Variants in PARD6G observed in about 807,000 individuals in gnomAD.
PARD6G encodes the protein partitioning defective 6 homolog gamma.
A neutral mutation model predicts 10.7 loss-of-function variants in PARD6G; 7 were observed. That is an observed-to-expected ratio of 0.66 (90% CI 0.37 to 1.23). The LOEUF is 1.23. PARD6G is among the 50% of genes most tolerant of loss of function. The pLI is 0.02. For missense variants in PARD6G, 548 were observed against 571.8 expected, an observed-to-expected ratio of 0.96 and a Z score of 0.42; for synonymous variants, 287 against 269.4, an observed-to-expected ratio of 1.07 and a Z score of -0.64.
chr18:80,165,539 C>T lies in PARD6G; in HGVS notation c.296-4933G>A, dbSNP rs140744334. Among the ~76,000 whole-genome samples, 680 of 135,678 alleles carry T rather than the reference C, an allele frequency of 5.0e-3. 7 individuals carry two copies. The highest frequency in any genetic ancestry group is 0.017 in the African/African-American group (622 of 35,604). The allele number at this position is 135,678 out of a possible 152,430, so 89.0% of individuals were successfully genotyped here. A position where few individuals can be genotyped will look rare whatever the true frequency, so the allele number is the denominator to read the frequency against. ...TGAGGTGACGTATATCCTCAGCTTA[C>T]GAAGATAACAGGATTAAGAGATTAA... On this transcript the variant is annotated intron_variant, in intron 2 of 2. Coordinates refer to ENST00000353265, the MANE Select transcript of PARD6G (RefSeq NM_032510.4).
intron 2 of PARD6G, among the ~76,000 whole-genome samples, chr18:80,167,662 C>T (rs2052745764): frequency 6.6e-6 from 1 of 152,092 alleles, no homozygotes; most frequent in Non-Finnish European, 1.5e-5. Flanking sequence ...CTCTGATGCT[C>T]TGAGCCACGT....
At chr18:80,163,616 AT>A (rs1158493508) in intron 2 of PARD6G, among the ~76,000 whole-genome samples, 4 of 152,234 alleles carry the variant, frequency 2.6e-5, no homozygotes, top group African/African-American at 9.6e-5. Context: ...CATCTCGGCC[AT>A]CCCCACAGGG....
intron 1 of PARD6G, among the ~76,000 whole-genome samples, chr18:80,240,273 C>T (rs1296218007): frequency 6.6e-6 from 1 of 152,224 alleles, no homozygotes; most frequent in Non-Finnish European, 1.5e-5. Context: ...TATAATCATC[C>T]CTTCTCAATA....
chr18:80,165,587 AAGT>A (rs2052730409), intron 2 of PARD6G, among the ~76,000 whole-genome samples: 1 of 152,108 alleles, frequency 6.6e-6, no homozygotes, highest in South Asian at 2.1e-4. Context: ...GAAATTATAA[AAGT>A]ATTATTTGGG....
At position 80,231,064 on chromosome 18, in the gene PARD6G, G is replaced by A. The variant is rs959439899; in HGVS notation, c.72+16213C>T. Among the ~76,000 whole-genome samples the A allele has an allele frequency of 4.6e-5, 7 of 152,210 alleles. No homozygotes were observed. Among genetic ancestry groups the A allele is most frequent in the Admixed American group, 2.6e-4 (4 of 15,282 alleles). ...TCCAAATGGAAGGTCAGGGACAAGGGGTGCCCTTTGTGAGAAGGAACACCC... is the reference window on the plus strand; with the variant it reads ...TCCAAATGGAAGGTCAGGGACAAGGAGTGCCCTTTGTGAGAAGGAACACCC... On this transcript the variant is annotated intron_variant, in intron 1 of 2. Coordinates refer to ENST00000353265, the MANE Select transcript of PARD6G (RefSeq NM_032510.4). The surrounding 1 kb of genome is among the most constrained non-coding windows in gnomAD (Gnocchi z 4.2).
In PARD6G at chr18:80,157,693, T is replaced by G. The variant is rs1166115724; in HGVS notation, c.*2078A>C. 6.6e-6 allele frequency: 1 copy of G among 151,948 alleles called. No homozygotes were observed. The highest frequency in any genetic ancestry group is 1.9e-4 in the East Asian group (1 of 5,190). The allele number at this position is 151,948 out of a possible 1,614,324, so 9.4% of individuals were successfully genotyped here. On this transcript the variant is annotated 3_prime_UTR_variant, in exon 3 of 3. Transcript: ENST00000353265. ...GGGGTGCGGATCCTCACCGGAGAGG[T>G]CATGGGGAAGCATCTTTGGTCTTCT...
rs185945373 is a variant in PARD6G at position 80,206,648 on chromosome 18, T to C, written c.73-3716A>G. ...GAGAGTTCAAAGAACTGAGCTGTGC[T>C]TAGGGGCCTTCACTCTCATCTACCT... On this transcript the variant is annotated intron_variant, in intron 1 of 2. Coordinates refer to ENST00000353265, the MANE Select transcript of PARD6G (RefSeq NM_032510.4). 3.9e-3 allele frequency among the ~76,000 whole-genome samples: 589 copies of C among 152,366 alleles called. 5 individuals are homozygous for C. Among genetic ancestry groups the C allele is most frequent in the African/African-American group, 0.013 (555 of 41,592 alleles).
chr18:80,232,414 G>A (rs886367900), intron 1 of PARD6G, among the ~76,000 whole-genome samples: 3 of 152,144 alleles, frequency 2.0e-5, no homozygotes, highest in African/African-American at 7.2e-5. Flanking sequence ...AAGTAAAAGA[G>A]GTTTAATTGG....
intron 1 of PARD6G, among the ~76,000 whole-genome samples, chr18:80,233,976 C>G (rs527471012): frequency 6.6e-6 from 1 of 152,210 alleles, no homozygotes. Context: ...TCACGAACAC[C>G]CTCCGAGTGT....
At chr18:80,224,844 T>C (rs563111329) in intron 1 of PARD6G, among the ~76,000 whole-genome samples, 11 of 144,002 alleles carry the variant, frequency 7.6e-5, no homozygotes, top group South Asian at 5.3e-4. Context: ...GAGACTCCGT[T>C]TCAAAAAAAA....
At chr18:80,216,157 T>C (rs1967163477) in intron 1 of PARD6G, among the ~76,000 whole-genome samples, 1 of 152,070 alleles carries the variant, frequency 6.6e-6, no homozygotes. Context: ...CAACAATAAA[T>C]GAACAGTTCA....
chr18:80,219,580 C>T (rs1328162835), intron 1 of PARD6G, among the ~76,000 whole-genome samples: 2 of 152,130 alleles, frequency 1.3e-5, no homozygotes, highest in East Asian at 1.9e-4. Flanking sequence ...CTCTTGAATG[C>T]TTTGCTAGTT....
chr18:80,202,665 A>C, intron 2 of PARD6G, 45 bp downstream of exon 2: 1 of 1,547,396 alleles, frequency 6.5e-7, no homozygotes, highest in Non-Finnish European at 8.9e-7. Flanking sequence ...TATTTTAAAA[A>C]TGATTTCTCA....
At chr18:80,233,817 C>T (rs1439845647) in intron 1 of PARD6G, among the ~76,000 whole-genome samples, 1 of 152,180 alleles carries the variant, frequency 6.6e-6, no homozygotes, top group Admixed American at 6.5e-5. Context: ...AGATCTCACA[C>T]CTTAGAACTG....
rs1373892537 is a variant in PARD6G at position 80,158,165 on chromosome 18, T to C, written c.*1606A>G. The C allele has an allele frequency of 2.0e-5, 3 of 152,182 alleles. No homozygotes were observed. Among genetic ancestry groups the C allele is most frequent in the African/African-American group, 7.2e-5 (3 of 41,442 alleles). The allele number at this position is 152,182 out of a possible 1,614,324, so 9.4% of individuals were successfully genotyped here. On this transcript the variant is annotated 3_prime_UTR_variant, in exon 3 of 3. Transcript: ENST00000353265. ...AGATCAACATAAAGTGAGGATGAAT[T>C]TAGTATTTGTTAAAAATCACTAAGT...
chr18:80,242,515 G>C (rs557812905), intron 1 of PARD6G, among the ~76,000 whole-genome samples: 1 of 152,334 alleles, frequency 6.6e-6, no homozygotes, highest in East Asian at 1.9e-4. Flanking sequence ...CTGCACACCT[G>C]GCTGTCCCCA....
chr18:80,222,627 A>C (rs1967244646), intron 1 of PARD6G, among the ~76,000 whole-genome samples: 1 of 152,192 alleles, frequency 6.6e-6, no homozygotes, highest in Non-Finnish European at 1.5e-5. Flanking sequence ...GACCAGGGGA[A>C]CCGAATTGAG....
At chr18:80,171,654 C>T (rs2052778267) in intron 2 of PARD6G, 1 of 152,254 alleles carries the variant, frequency 6.6e-6, no homozygotes, top group Non-Finnish European at 1.5e-5. Flanking sequence ...CTCCTCAGCC[C>T]CACACCCATT....
At chr18:80,195,570 T>TATAC in intron 2 of PARD6G, among the ~76,000 whole-genome samples, 2 of 88,648 alleles carry the variant, frequency 2.3e-5, no homozygotes, top group Non-Finnish European at 2.1e-5. Flanking sequence ...TATATATATA[T>TATAC]ATACACACAT....
Sources: allele counts gnomAD v4.1 joint callset (sites outside exome capture counted in the v4.1 genomes callset), GRCh38; gene constraint gnomAD v4.1.1; non-coding constraint Gnocchi (gnomAD v3.1); transcripts MANE v1.5; gene names NCBI Gene and HGNC (gene_info 2026-07-23, HGNC 2026-07-21).